Variants in RGS6 observed in about 807,000 individuals in gnomAD.
RGS6 encodes the protein regulator of G protein signaling 6.
A neutral mutation model predicts 78.5 loss-of-function variants in RGS6; 30 were observed. The ratio of observed to expected loss-of-function variants is 0.38; its 90% CI spans 0.29 to 0.52. The LOEUF (loss-of-function observed/expected upper bound fraction) is 0.52. RGS6 is among the 20% of genes least tolerant of loss of function. The probability of loss-of-function intolerance (pLI) is 0.85; values close to 1 mark genes in which losing one functional copy is unlikely to be tolerated. For missense variants in RGS6, 495 were observed against 609.7 expected, an observed-to-expected ratio of 0.81 and a Z score of 1.98; for synonymous variants, 206 against 206.0, an observed-to-expected ratio of 1.00 and a Z score of 0.00.
chr14:72,425,858 C>G (rs1226468441), intron 3 of RGS6, among the ~76,000 whole-genome samples: 1 of 151,918 alleles, frequency 6.6e-6, no homozygotes, highest in African/African-American at 2.4e-5. Flanking sequence ...CTTATCATTG[C>G]AAAAAGAAAA....
At chr14:71,876,580 A>AGATG in the RGS6 span, among the ~76,000 whole-genome samples, 1 of 139,748 alleles carries the variant, frequency 7.2e-6, no homozygotes, top group Non-Finnish European at 1.5e-5. Context: ...TCTGCACATG[A>AGATG]GATGTGTCTC....
chr14:72,540,286 AAAG>A lies in RGS6; in HGVS notation c.1422+194_1422+196del, dbSNP rs1259750841. On this transcript the variant is annotated intron_variant, in intron 17 of 17. Transcript: ENST00000553525. ...TCTCTTCTAGGGATGAAAATGCAAA[AAAG>A]AGCAAGCGGCTCCCTCTGCAGAAGG... The A allele has an allele frequency of 2.6e-6, 4 of 1,517,108 alleles. No individual in the cohort carries two copies. In the African/African-American group the frequency reaches 5.6e-5, roughly 21 times the overall value. 94.0% of individuals were successfully genotyped at this position (1,517,108 alleles called of 1,614,324 possible).
At chr14:72,375,093 AAG>A (rs2084368165) in intron 3 of RGS6, among the ~76,000 whole-genome samples, 1 of 152,228 alleles carries the variant, frequency 6.6e-6, no homozygotes, top group Non-Finnish European at 1.5e-5. Context: ...AATAATATGA[AAG>A]AGAGGTTAAA....
chr14:72,292,500 A>G (rs936994993), intron 2 of RGS6, among the ~76,000 whole-genome samples: 18 of 152,234 alleles, frequency 1.2e-4, no homozygotes, highest in African/African-American at 4.3e-4. Context: ...ACTAGAGGGA[A>G]ATGAGTTGGT....
At chr14:72,561,464 C>G (rs2097675472) in intron 17 of RGS6, among the ~76,000 whole-genome samples, 1 of 152,192 alleles carries the variant, frequency 6.6e-6, no homozygotes, top group African/African-American at 2.4e-5. Context: ...ATGCGGATTT[C>G]TAAAGAGGGT....
intron 2 of RGS6, among the ~76,000 whole-genome samples, chr14:72,026,277 C>T (rs2089832779): frequency 6.6e-6 from 1 of 152,018 alleles, no homozygotes; most frequent in Non-Finnish European, 1.5e-5. Context: ...CATGGTGGCA[C>T]ATGTCTGTAA....
intron 2 of RGS6, among the ~76,000 whole-genome samples, chr14:72,140,823 G>A (rs1222327412): frequency 1.3e-5 from 2 of 152,146 alleles, no homozygotes; most frequent in Non-Finnish European, 2.9e-5. Context: ...CTGAGGATGC[G>A]GGCAAGCCAG....
chr14:72,491,330 A>G (rs2096575423), intron 12 of RGS6, among the ~76,000 whole-genome samples: 1 of 118,032 alleles, frequency 8.5e-6, no homozygotes, highest in Non-Finnish European at 1.8e-5. Context: ...CCACAGCACT[A>G]TGTATATTAA....
chr14:72,423,940 T>C (rs1027708084), intron 3 of RGS6, among the ~76,000 whole-genome samples: 15 of 144,110 alleles, frequency 1.0e-4, no homozygotes, highest in African/African-American at 3.4e-4. Flanking sequence ...TCTCATCCAG[T>C]CATTCATTCA....
chr14:72,624,634 C>T, the RGS6 span, among the ~76,000 whole-genome samples: 8 of 152,206 alleles, frequency 5.3e-5, no homozygotes, highest in East Asian at 9.6e-4. Flanking sequence ...CCACCACGCC[C>T]GGCCCCCAAC....
chr14:72,143,564 G>C (rs1328779188), intron 2 of RGS6, among the ~76,000 whole-genome samples: 1 of 152,134 alleles, frequency 6.6e-6, no homozygotes, highest in Non-Finnish European at 1.5e-5. Flanking sequence ...TTCTAAAATG[G>C]CTCATTTTGC....
At chr14:72,017,043 T>G (rs544120057) in intron 2 of RGS6, among the ~76,000 whole-genome samples, 2 of 152,248 alleles carry the variant, frequency 1.3e-5, no homozygotes, top group African/African-American at 4.8e-5. Flanking sequence ...TTTCTTTCTT[T>G]CATTTGTTCC....
chr14:72,579,639 T>C, the RGS6 span, among the ~76,000 whole-genome samples: 8,528 of 152,190 alleles, frequency 0.056, 309 homozygotes, highest in East Asian at 0.11. Flanking sequence ...TGGGGACTCA[T>C]CCCTTAGAAC....
At chr14:72,075,550 T>C (rs893399290) in intron 2 of RGS6, among the ~76,000 whole-genome samples, 10 of 152,178 alleles carry the variant, frequency 6.6e-5, no homozygotes, top group Non-Finnish European at 1.0e-4. Flanking sequence ...ATTATAAATA[T>C]ATGACATGTT....
chr14:71,960,791 A>G (rs1240086133), intron 1 of RGS6, among the ~76,000 whole-genome samples: 3 of 152,142 alleles, frequency 2.0e-5, no homozygotes, highest in South Asian at 2.1e-4. Context: ...TCAGATTTCT[A>G]TGCCTGTGTG....
intron 2 of RGS6, among the ~76,000 whole-genome samples, chr14:72,310,732 C>A (rs577685101): frequency 6.2e-4 from 94 of 152,270 alleles, no homozygotes; most frequent in African/African-American, 2.2e-3. Flanking sequence ...ACATCACTTA[C>A]ACACATGGAG....
At chr14:72,151,149 G>T (rs1259135636) in intron 2 of RGS6, among the ~76,000 whole-genome samples, 1 of 152,182 alleles carries the variant, frequency 6.6e-6, no homozygotes, top group Non-Finnish European at 1.5e-5. Context: ...TAACCCAAAT[G>T]CCTAACAAAG....
chr14:72,096,455 CTACAAAT>C (rs2095410241), intron 2 of RGS6, among the ~76,000 whole-genome samples: 1 of 152,164 alleles, frequency 6.6e-6, no homozygotes, highest in Non-Finnish European at 1.5e-5. Flanking sequence ...CTCAATTGGG[CTACAAAT>C]GTCAATATCA....
At chr14:72,515,057 C>T (rs1404283595) in intron 14 of RGS6, among the ~76,000 whole-genome samples, 1 of 152,224 alleles carries the variant, frequency 6.6e-6, no homozygotes, top group Non-Finnish European at 1.5e-5. Flanking sequence ...ATGGTAAACA[C>T]ATACGGGATG....
Sources: gnomAD v4.1 joint callset for allele counts (sites outside exome capture counted in the v4.1 genomes callset) on GRCh38, gnomAD v4.1.1 for gene constraint, MANE v1.5 for transcripts, NCBI Gene and HGNC (gene_info 2026-07-23, HGNC 2026-07-21) for gene names.